The following MAP3K19 variants were observed in gnomAD, a reference collection of about 807,000 sequenced individuals.
MAP3K19 encodes SPS1/STE20-related protein kinase YSK4.
MAP3K19 carries 91 observed loss-of-function variants against 114.4 expected under a neutral mutation model. The ratio of observed to expected loss-of-function variants is 0.80; its 90% CI spans 0.67 to 0.95. MAP3K19 has a LOEUF of 0.95. Among genes scored for constraint, MAP3K19 ranks in the 40% least tolerant of loss-of-function variants. MAP3K19 has a pLI of 0.00. For synonymous variants in MAP3K19, 518 were observed against 530.5 expected (o/e 0.98, Z 0.32); for missense variants, 1,471 against 1,573.2 (o/e 0.94, Z 1.10).
At position 134,987,255 on chromosome 2, in the gene MAP3K19, A is replaced by C. The variant is rs770107924; in HGVS notation, c.1617T>G (p.Asp539Glu). 3 of 1,613,942 alleles carry C rather than the reference A, an allele frequency of 1.9e-6. No homozygotes were observed. In the South Asian group the frequency reaches 3.3e-5, roughly 18 times the overall value. ...HKMNSHRSKL[D>E]SKTKTSKKTP... ...TCTTCTTACTTGTCTTGGTCTTTGA[A>C]TCCAACTTACTCCTATGGGAATTCA... is the stretch of plus-strand genomic sequence containing the variant. Residue 539 changes from aspartate (D) to glutamate (E), a missense_variant, in exon 10 of 13, where the codon GAT (aspartate) becomes GAG (glutamate). Asp to Glu is a conservative substitution (Grantham distance 45). Transcript: ENST00000392915.
chr2:134,980,994 A>C lies in MAP3K19; in HGVS notation c.3747T>G (p.Asp1249Glu). 6.2e-7 allele frequency: 1 copy of C among 1,614,194 alleles called. No homozygotes were observed. The highest frequency in any genetic ancestry group is 8.5e-7 in the Non-Finnish European group (1 of 1,180,038). ...ACACAGTACAACCAATGCTCCAGAT[A>C]TCTGATTTCCGTCCATAGCCAGACT... ...INESGYGRKSDIWSIGCTVFE... is the reference protein window; with the variant it reads ...INESGYGRKSEIWSIGCTVFE... The change falls in exon 12 of 13, where the codon GAT becomes GAG. Residue 1249 changes from aspartate to glutamate, a missense_variant. Physicochemically the swap from Asp to Glu is conservative, Grantham distance 45. Transcript: ENST00000392915.
At chr2:135,007,908 C>A (rs1686944663) in intron 5 of MAP3K19, among the ~76,000 whole-genome samples, 1 of 152,100 alleles carries the variant, frequency 6.6e-6, no homozygotes, top group South Asian at 2.1e-4. Flanking sequence ...TCACCTATAA[C>A]CTGACAACCA....
Position 134,987,399 on chromosome 2 carries a change from C to T in MAP3K19, c.1473G>A (p.Val491=). 6.2e-7 allele frequency: 1 copy of T among 1,614,120 alleles called. No individual in the cohort carries two copies. The highest frequency in any genetic ancestry group is 1.1e-5 in the South Asian group (1 of 91,074). Residue 491 remains valine (V), a synonymous_variant, in exon 10 of 13, where the codon GTG becomes GTA. Transcript: ENST00000392915. The part of the protein sequence containing the change: ...MVPLIHITFP[V]DGSPKEPVIA... The stretch of plus-strand genomic sequence containing the variant: ...TCACTGGTTCCTTGGGGCTTCCATC[C>T]ACAGGGAAGGTGATGTGGATAAGAG...
chr2:134,973,409 G>A (rs1421147276), intron 12 of MAP3K19, among the ~76,000 whole-genome samples: 1 of 152,148 alleles, frequency 6.6e-6, no homozygotes, highest in African/African-American at 2.4e-5. Flanking sequence ...GACATAAAGT[G>A]TGTTTTATCT....
At chr2:134,993,862 G>A (rs558702676) in intron 8 of MAP3K19, among the ~76,000 whole-genome samples, 2 of 152,150 alleles carry the variant, frequency 1.3e-5, no homozygotes, top group South Asian at 4.2e-4. Flanking sequence ...AATGTTAAAA[G>A]TAGCCAGGTG....
chr2:134,984,065 G>C (rs899494372), intron 10 of MAP3K19, among the ~76,000 whole-genome samples: 4 of 152,196 alleles, frequency 2.6e-5, no homozygotes, highest in Admixed American at 6.5e-5. Context: ...TATAGGAGGA[G>C]ATCTTAGTCC....
chr2:134,969,764 T>C (rs1439228226), intron 12 of MAP3K19, among the ~76,000 whole-genome samples: 23 of 152,188 alleles, frequency 1.5e-4, no homozygotes, highest in Admixed American at 1.5e-3. Flanking sequence ...TTGAGTCTTA[T>C]GTTTAGGTAT....
chr2:135,021,139 C>T lies in MAP3K19; in HGVS notation c.138+576G>A, dbSNP rs565135911. Among the ~76,000 whole-genome samples, 12 of 151,632 alleles carry T rather than the reference C, an allele frequency of 7.9e-5. No homozygotes were observed. The South Asian group carries it at 2.5e-3, about 32-fold the overall frequency. ...GAGTAAAGAACTGAATATTTGTGTC[C>T]CACCAAAATTTATATGTTGAAATCT... On this transcript the variant is annotated intron_variant, in intron 5 of 12. Coordinates refer to ENST00000392915, the MANE Select transcript of MAP3K19 (RefSeq NM_025052.5).
chr2:135,028,031 T>C (rs185613122), intron 3 of MAP3K19, among the ~76,000 whole-genome samples: 1 of 152,364 alleles, frequency 6.6e-6, no homozygotes. Flanking sequence ...AAACTATTTG[T>C]TGTTTATCTG....
intron 1 of MAP3K19, among the ~76,000 whole-genome samples, chr2:135,044,019 G>A (rs1002117802): frequency 2.0e-5 from 3 of 152,172 alleles, no homozygotes; most frequent in Admixed American, 6.5e-5. Context: ...TTGAAATAGT[G>A]AATGAATTCC....
intron 5 of MAP3K19, among the ~76,000 whole-genome samples, chr2:135,020,229 G>C (rs983888807): frequency 6.6e-5 from 10 of 152,128 alleles, no homozygotes; most frequent in Non-Finnish European, 1.5e-4. Flanking sequence ...GTGTTGGCCA[G>C]GTTGGTCTTG....
intron 6 of MAP3K19, among the ~76,000 whole-genome samples, chr2:135,003,030 C>G (rs886347429): frequency 6.6e-6 from 1 of 152,082 alleles, no homozygotes; most frequent in East Asian, 1.9e-4. Context: ...GGTGGGGCCC[C>G]GATCCAGCTG....
At chr2:134,997,817 C>CAAAAGAAAAAAAAAAAAAAAAAAAAAA (rs1686115665) in intron 8 of MAP3K19, among the ~76,000 whole-genome samples, 1 of 91,010 alleles carries the variant, frequency 1.1e-5, no homozygotes, top group African/African-American at 4.1e-5. Context: ...GACTCCGTCT[C>CAAAAGAAAAAAAAAAAAAAAAAAAAAA]AAAAAAAAAA....
chr2:135,005,986 A>G (rs1235342562), intron 5 of MAP3K19, among the ~76,000 whole-genome samples: 1 of 152,222 alleles, frequency 6.6e-6, no homozygotes, highest in African/African-American at 2.4e-5. Flanking sequence ...AGCTACAGAT[A>G]TAACCCTAGA....
At chr2:134,976,319 C>T (rs1684233715) in intron 12 of MAP3K19, among the ~76,000 whole-genome samples, 1 of 152,210 alleles carries the variant, frequency 6.6e-6, no homozygotes, top group Admixed American at 6.5e-5. Context: ...GTCTCAGTGT[C>T]TGCAAGGACT....
At chr2:135,014,643 C>T (rs1427520039) in intron 5 of MAP3K19, among the ~76,000 whole-genome samples, 2 of 152,236 alleles carry the variant, frequency 1.3e-5, no homozygotes, top group African/African-American at 2.4e-5. Flanking sequence ...AAACCCAATA[C>T]ATTTGTGTAT....
In MAP3K19 at chr2:134,999,302, A is replaced by T. The variant is rs1686261196; in HGVS notation, c.315-305T>A. On this transcript the variant is annotated intron_variant, in intron 7 of 12. Coordinates refer to ENST00000392915, the MANE Select transcript of MAP3K19 (RefSeq NM_025052.5). The surrounding 1 kb of genome is among the most constrained non-coding windows in gnomAD (Gnocchi z 4.1). Reference sequence around the variant, plus strand: ...GCAGGCCTGGGGGATGTACCCTTTTATCTCCACAGGTACTGACTAGCCCAG... The same window carrying T: ...GCAGGCCTGGGGGATGTACCCTTTTTTCTCCACAGGTACTGACTAGCCCAG... Among the ~76,000 whole-genome samples, 1 of 152,146 alleles carries T rather than the reference A, an allele frequency of 6.6e-6. No individual in the cohort carries two copies. The highest frequency in any genetic ancestry group is 1.5e-5 in the Non-Finnish European group (1 of 68,032).
chr2:135,036,612 A>G (rs1356716851), intron 2 of MAP3K19, among the ~76,000 whole-genome samples: 1 of 151,284 alleles, frequency 6.6e-6, no homozygotes, highest in Non-Finnish European at 1.5e-5. Flanking sequence ...ATACAAGTGG[A>G]AATATTTAGT....
At chr2:135,041,637 C>G (rs577252170) in intron 1 of MAP3K19, among the ~76,000 whole-genome samples, 2 of 152,142 alleles carry the variant, frequency 1.3e-5, no homozygotes, top group Admixed American at 1.3e-4. Flanking sequence ...CCTGGAGTCT[C>G]TTGCTGTTAG....
Sources: allele counts gnomAD v4.1 joint callset (sites outside exome capture counted in the v4.1 genomes callset), GRCh38; gene constraint gnomAD v4.1.1; non-coding constraint Gnocchi (gnomAD v3.1); transcripts MANE v1.5; gene names NCBI Gene and HGNC (gene_info 2026-07-23, HGNC 2026-07-21).